Variants in ADGRV1 observed in about 807,000 individuals in gnomAD.
ADGRV1 encodes the protein adhesion G protein-coupled receptor V1, also known as G-protein coupled receptor 98.
In ADGRV1, 359 loss-of-function variants were observed where a neutral mutation model predicts 596.2. The ratio of observed to expected loss-of-function variants is 0.60; its 90% CI spans 0.55 to 0.66. The LOEUF (loss-of-function observed/expected upper bound fraction) is 0.66, where lower values mean the gene tolerates loss of function less well. Among genes scored for constraint, ADGRV1 ranks in the 30% least tolerant of loss-of-function variants. The pLI is 0.00. For missense variants in ADGRV1, 7,274 were observed against 7,575.6 expected (o/e 0.96, Z 1.48); for synonymous variants, 2,681 against 2,679.2 (o/e 1.00, Z -0.02).
chr5:91,032,896 G>A (rs1211479371), intron 85 of ADGRV1, among the ~76,000 whole-genome samples: 1 of 152,070 alleles, frequency 6.6e-6, no homozygotes, highest in Non-Finnish European at 1.5e-5. Flanking sequence ...TAGTACCCCA[G>A]CTTTCTGTTC....
At chr5:90,906,769 T>C (rs1772363165) in intron 83 of ADGRV1, among the ~76,000 whole-genome samples, 1 of 152,174 alleles carries the variant, frequency 6.6e-6, no homozygotes, top group Admixed American at 6.6e-5. Flanking sequence ...TTCTACTAAT[T>C]TTGGATTTGG....
At chr5:91,126,580 G>A (rs915903699) in intron 87 of ADGRV1, among the ~76,000 whole-genome samples, 10 of 152,140 alleles carry the variant, frequency 6.6e-5, no homozygotes, top group African/African-American at 9.7e-5. Flanking sequence ...AGGTAAAGCC[G>A]GTACCTCAGT....
At chr5:91,062,496 G>T (rs2151359858) in intron 85 of ADGRV1, among the ~76,000 whole-genome samples, 1 of 152,218 alleles carries the variant, frequency 6.6e-6, no homozygotes, top group Non-Finnish European at 1.5e-5. Flanking sequence ...GGTCACTGTG[G>T]AATATGTCTG....
chr5:91,129,441 G>A (rs953655924), intron 87 of ADGRV1, among the ~76,000 whole-genome samples: 1 of 152,108 alleles, frequency 6.6e-6, no homozygotes, highest in Non-Finnish European at 1.5e-5. Flanking sequence ...TTTCTCTCAA[G>A]TATATTTTAA....
At chr5:90,793,162 A>G (rs1760272598) in intron 70 of ADGRV1, 1 of 152,210 alleles carries the variant, frequency 6.6e-6, no homozygotes, top group African/African-American at 2.4e-5. Flanking sequence ...TCTAACCTGC[A>G]TTTCCTGTAT....
chr5:90,581,278 C>T (rs1316826757), intron 1 of ADGRV1, among the ~76,000 whole-genome samples: 3 of 152,172 alleles, frequency 2.0e-5, no homozygotes, highest in African/African-American at 7.2e-5. Flanking sequence ...AGTCATTCTC[C>T]GTCCAGCTTT....
chr5:90,598,411 G>C, intron 1 of ADGRV1, among the ~76,000 whole-genome samples: 1 of 152,254 alleles, frequency 6.6e-6, no homozygotes, highest in East Asian at 1.9e-4. Context: ...TAGCCAGGGA[G>C]AGCTGCTTAG....
intron 53 of ADGRV1, among the ~76,000 whole-genome samples, chr5:90,751,730 A>G (rs571094188): frequency 3.0e-4 from 46 of 152,312 alleles, no homozygotes; most frequent in African/African-American, 1.1e-3. Context: ...AACTGTCTCA[A>G]AAAAAGGACA....
chr5:90,858,354 T>C (rs147899981), intron 82 of ADGRV1, among the ~76,000 whole-genome samples: 19 of 152,218 alleles, frequency 1.2e-4, no homozygotes, highest in Non-Finnish European at 2.2e-4. Flanking sequence ...ATTTTGAGGA[T>C]GTCAAGGAAG....
chr5:91,123,349 G>T (rs1439595731), intron 87 of ADGRV1, among the ~76,000 whole-genome samples: 1 of 152,076 alleles, frequency 6.6e-6, no homozygotes, highest in Non-Finnish European at 1.5e-5. Flanking sequence ...TCTGGAGGCT[G>T]GGACGTCCAA....
rs565985300 is a variant in ADGRV1, at chr5:90,586,899, G to A, written c.23-27936G>A. ...TAACTCTGTCATTCTTACCTCATTAGCTGGAATTTTTCTGTAAGGAAAAAC... is the reference window on the plus strand; with the variant it reads ...TAACTCTGTCATTCTTACCTCATTAACTGGAATTTTTCTGTAAGGAAAAAC... On this transcript the variant is annotated intron_variant, in intron 1 of 89. Transcript: ENST00000405460. Among the ~76,000 whole-genome samples the A allele has an allele frequency of 2.6e-5, 4 of 152,218 alleles. No homozygotes were observed. The South Asian group carries it at 8.3e-4, about 32-fold the overall frequency.
At chr5:91,150,339 G>A (rs1268033299) in intron 88 of ADGRV1, 118 bp downstream of exon 88, 2 of 742,648 alleles carry the variant, frequency 2.7e-6, no homozygotes, top group African/African-American at 1.8e-5. Flanking sequence ...CTCATAAAGA[G>A]TACAAGATGA....
intron 71 of ADGRV1, among the ~76,000 whole-genome samples, chr5:90,804,744 C>T (rs1242964717): frequency 6.6e-6 from 1 of 151,850 alleles, no homozygotes; most frequent in African/African-American, 2.4e-5. Context: ...GAACGTTGCA[C>T]ATAAAACAAA....
At chr5:90,911,582 G>A (rs6889986) in intron 83 of ADGRV1, among the ~76,000 whole-genome samples, 68,234 of 151,886 alleles carry the variant, frequency 0.45, 15,655 homozygotes, top group East Asian at 0.66. Context: ...AATTTTTATT[G>A]ATATAAAACA....
intron 17 of ADGRV1, among the ~76,000 whole-genome samples, chr5:90,648,116 T>A (rs1223619710): frequency 6.6e-6 from 1 of 152,174 alleles, no homozygotes; most frequent in Non-Finnish European, 1.5e-5. Context: ...GGGATAGGTA[T>A]CCTGTAGCAT....
chr5:90,837,304 A>G (rs1196093036), intron 77 of ADGRV1, among the ~76,000 whole-genome samples: 1 of 151,880 alleles, frequency 6.6e-6, no homozygotes, highest in Non-Finnish European at 1.5e-5. Context: ...AAGAAAGACC[A>G]TGTGTTTTCC....
At chr5:90,775,665 A>T (rs1758150002) in intron 60 of ADGRV1, among the ~76,000 whole-genome samples, 2 of 151,960 alleles carry the variant, frequency 1.3e-5, no homozygotes, top group African/African-American at 4.8e-5. Flanking sequence ...GTTTGCAGGG[A>T]TGGAGTCTCC....
At position 90,652,413 on chromosome 5, in the gene ADGRV1, G is replaced by A. The variant is rs1473614489; in HGVS notation, c.3484G>A (p.Ala1162Thr). The A allele has an allele frequency of 1.5e-5, 24 of 1,612,544 alleles. No individual in the cohort carries two copies. The East Asian group carries it at 5.1e-4, about 34-fold the overall frequency. Residue 1162 changes from alanine to threonine, a missense_variant, in exon 19 of 90, where the codon GCT becomes ACT. Transcript: ENST00000405460. Reference sequence around the variant, plus strand: ...TTGGCAGCTCTTTCAGAATGATTCTGCTTTGCAGCCTGGGCAGGAGTTCTA... The same window carrying A: ...TTGGCAGCTCTTTCAGAATGATTCTACTTTGCAGCCTGGGCAGGAGTTCTA... ...VSWQLFQNDS[A>T]LQPGQEFYET...
chr5:90,757,506 CTTTTA>C (rs1021935040), intron 57 of ADGRV1, among the ~76,000 whole-genome samples: 16 of 152,002 alleles, frequency 1.1e-4, no homozygotes, highest in South Asian at 8.3e-4. Flanking sequence ...TTTCTTTTAT[CTTTTA>C]TTTTGTTTCT....
Sources: allele counts gnomAD v4.1 joint callset (sites outside exome capture counted in the v4.1 genomes callset), GRCh38; gene constraint gnomAD v4.1.1; transcripts MANE v1.5; gene names NCBI Gene and HGNC (gene_info 2026-07-23, HGNC 2026-07-21).